Variants in ANO3 observed in about 807,000 individuals in gnomAD.
ANO3 encodes anoctamin 3.
A neutral mutation model predicts 144.8 loss-of-function variants in ANO3; 99 were observed. The ratio of observed to expected loss-of-function variants is 0.68; its 90% CI spans 0.58 to 0.81. The LOEUF (loss-of-function observed/expected upper bound fraction) is 0.81. Ranked by LOEUF, ANO3 falls within the 30% of genes least tolerant of loss-of-function variation. ANO3 has a pLI of 0.00. For synonymous variants in ANO3, 414 were observed against 392.6 expected (o/e 1.05, Z -0.64); for missense variants, 905 against 1,202.2 (o/e 0.75, Z 3.66).
chr11:26,508,577 A>G (rs1279605186), intron 5 of ANO3: 1 of 305,348 alleles, frequency 3.3e-6, no homozygotes, highest in Non-Finnish European at 5.9e-6. Context: ...GAAAGAAAAG[A>G]ATTTGCCAAA....
chr11:26,609,788 A>G (rs973387504), intron 17 of ANO3, among the ~76,000 whole-genome samples: 2 of 151,998 alleles, frequency 1.3e-5, no homozygotes, highest in African/African-American at 2.4e-5. Flanking sequence ...TAGTAATTCT[A>G]TTTTTCATTT....
rs2133111398 is a variant in ANO3, at chr11:26,662,463, A to C, written c.*2019A>C. ...CTGCCTGAGTATAAATACTCTCTCTACCTAATAATAACATCAACCAACATC... is the reference window on the plus strand; with the variant it reads ...CTGCCTGAGTATAAATACTCTCTCTCCCTAATAATAACATCAACCAACATC... On this transcript the variant is annotated 3_prime_UTR_variant, in exon 27 of 27. Coordinates refer to ENST00000256737, the MANE Select transcript of ANO3 (RefSeq NM_031418.4). 1.3e-5 allele frequency: 2 copies of C among 152,146 alleles called. No homozygotes were observed. Among genetic ancestry groups the C allele is most frequent in the South Asian group, 4.1e-4 (2 of 4,822 alleles). The allele number at this position is 152,146 out of a possible 1,614,324, so 9.4% of individuals were successfully genotyped here. A position where few individuals can be genotyped will look rare whatever the true frequency, so the allele number is the denominator to read the frequency against.
chr11:26,410,585 T>C (rs1312919071), intron 1 of ANO3, among the ~76,000 whole-genome samples: 1 of 151,932 alleles, frequency 6.6e-6, no homozygotes, highest in Non-Finnish European at 1.5e-5. Flanking sequence ...ACATCTTTAG[T>C]TTAATGAGGA....
At position 26,214,261 on chromosome 11, in the gene ANO3, T is replaced by G. The variant is rs186654703; in HGVS notation, c.154+24931T>G. On this transcript the variant is annotated intron_variant, in intron 1 of 27. Transcript: ENST00000672621. ...ATGAATATAAGTAATAAAATAATTT[T>G]TTTTTTCTGTTTTACTTTTGGGAGT... is the stretch of plus-strand genomic sequence containing the variant. Among the ~76,000 whole-genome samples, 468 of 152,080 alleles carry G rather than the reference T, an allele frequency of 3.1e-3. 5 individuals carry two copies. The highest frequency in any genetic ancestry group is 9.6e-3 in the African/African-American group (400 of 41,540).
intron 1 of ANO3, among the ~76,000 whole-genome samples, chr11:26,354,694 G>A (rs7932503): frequency 0.094 from 14,225 of 151,740 alleles, 896 homozygotes; most frequent in East Asian, 0.23. Flanking sequence ...ATTTCCTGTT[G>A]AATTATTTGA....
chr11:26,190,335 T>C (rs955347792), intron 1 of ANO3, among the ~76,000 whole-genome samples: 1 of 152,158 alleles, frequency 6.6e-6, no homozygotes, highest in African/African-American at 2.4e-5. Context: ...ATATGAGTTG[T>C]TTTACAGTAT....
chr11:26,657,781 A>AGAT (rs1300784655), intron 26 of ANO3, among the ~76,000 whole-genome samples: 1 of 152,132 alleles, frequency 6.6e-6, no homozygotes, highest in Non-Finnish European at 1.5e-5. Flanking sequence ...TACTGTTTTT[A>AGAT]GATATATAGA....
At chr11:26,628,243 C>A (rs998231594) in intron 18 of ANO3, among the ~76,000 whole-genome samples, 1 of 152,108 alleles carries the variant, frequency 6.6e-6, no homozygotes, top group African/African-American at 2.4e-5. Context: ...AGAGTTTTCA[C>A]TTTGTCAGAC....
At chr11:26,263,703 A>T (rs935312239) in intron 1 of ANO3, among the ~76,000 whole-genome samples, 4 of 152,216 alleles carry the variant, frequency 2.6e-5, no homozygotes, top group East Asian at 1.9e-4. Context: ...TAGTATTTTT[A>T]AAATTACAGT....
At chr11:26,507,622 A>C (rs1243414095) in intron 4 of ANO3, among the ~76,000 whole-genome samples, 1 of 152,196 alleles carries the variant, frequency 6.6e-6, no homozygotes, top group Admixed American at 6.5e-5. Flanking sequence ...TTGAGTTTTT[A>C]GTATTTATGT....
intron 1 of ANO3, among the ~76,000 whole-genome samples, chr11:26,256,559 G>A (rs1390003145): frequency 2.0e-5 from 3 of 152,000 alleles, no homozygotes; most frequent in Non-Finnish European, 2.9e-5. Context: ...TCAAGAGCCT[G>A]AATACTTATT....
intron 17 of ANO3, among the ~76,000 whole-genome samples, chr11:26,601,925 C>T (rs999390491): frequency 1.8e-4 from 27 of 152,072 alleles, no homozygotes; most frequent in Admixed American, 1.5e-3. Context: ...AGTTCTGCTA[C>T]CCAGGATCTT....
chr11:26,646,072 C>A (rs923455681), intron 23 of ANO3, among the ~76,000 whole-genome samples: 1 of 152,078 alleles, frequency 6.6e-6, no homozygotes, highest in African/African-American at 2.4e-5. Flanking sequence ...TCTCTTCTAC[C>A]TCAGGGAATC....
At chr11:26,378,395 A>G (rs1342150509) in intron 1 of ANO3, among the ~76,000 whole-genome samples, 5 of 134,554 alleles carry the variant, frequency 3.7e-5, no homozygotes, top group African/African-American at 1.4e-4. Context: ...TATAATCTAT[A>G]TATTATCTAT....
Position 26,449,324 on chromosome 11 carries a change from C to T in ANO3, c.313+5488C>T, listed in dbSNP as rs145549218. 7.0e-3 allele frequency among the ~76,000 whole-genome samples: 1,066 copies of T among 152,194 alleles called. 6 individuals carry two copies. Among genetic ancestry groups the T allele is most frequent in the African/African-American group, 0.024 (986 of 41,516 alleles). The stretch of plus-strand genomic sequence containing the variant: ...GTTATTCACCCCAATTCTGTGTTTC[C>T]AGAAGACAGAAACTGTCAATCTTGC... On this transcript the variant is annotated intron_variant, in intron 3 of 26. Coordinates refer to ENST00000256737, the MANE Select transcript of ANO3 (RefSeq NM_031418.4).
At position 26,647,783 on chromosome 11, in the gene ANO3, T is replaced by A; in HGVS notation, c.2503T>A (p.Ser835Thr). The part of the protein sequence containing the change: ...ITNAFVIAIT[S>T]DYIPRFVYEY... ...CAATGCATTTGTAATTGCTATTACT[T>A]CTGATTACATCCCACGTTTTGTTTA... Residue 835 changes from serine (S) to threonine (T), a missense_variant, in exon 24 of 27, where the codon TCT (serine) becomes ACT (threonine). By Grantham distance (58) the Ser-to-Thr change is moderately conservative. This residue lies in a region of ANO3 where 597 missense variants were observed against 865.1 expected (regional missense o/e 0.69). Coordinates refer to ENST00000256737, the MANE Select transcript of ANO3 (RefSeq NM_031418.4). 6.2e-7 allele frequency: 1 copy of A among 1,613,390 alleles called. No individual in the cohort carries two copies. The highest frequency in any genetic ancestry group is 1.1e-5 in the South Asian group (1 of 90,966).
chr11:26,196,305 T>A (rs1445363260), intron 1 of ANO3, among the ~76,000 whole-genome samples: 1 of 152,124 alleles, frequency 6.6e-6, no homozygotes, highest in East Asian at 1.9e-4. Context: ...TTAAATAAAT[T>A]ATCTTTTTCT....
chr11:26,390,041 A>C (rs1856835153), intron 1 of ANO3, among the ~76,000 whole-genome samples: 1 of 152,118 alleles, frequency 6.6e-6, no homozygotes, highest in African/African-American at 2.4e-5. Flanking sequence ...AGAAGACAAT[A>C]AATCATCAAT....
intron 1 of ANO3, among the ~76,000 whole-genome samples, chr11:26,316,771 C>T (rs1351534854): frequency 6.6e-6 from 1 of 152,134 alleles, no homozygotes; most frequent in Non-Finnish European, 1.5e-5. Context: ...TGAACATCTG[C>T]TTTTCTGGGA....
Sources: allele counts gnomAD v4.1 joint callset (sites outside exome capture counted in the v4.1 genomes callset), GRCh38; gene constraint gnomAD v4.1.1; regional missense constraint gnomAD v4.1.1; transcripts MANE v1.5; gene names NCBI Gene and HGNC (gene_info 2026-07-23, HGNC 2026-07-21).